Variants in MAGI2 observed in about 807,000 individuals in gnomAD.
The protein encoded by MAGI2 is membrane associated guanylate kinase, WW and PDZ domain containing 2, also known as membrane-associated guanylate kinase, WW and PDZ domain-containing protein 2.
A neutral mutation model predicts 133.3 loss-of-function variants in MAGI2; 35 were observed. The ratio of observed to expected loss-of-function variants is 0.26; its 90% CI spans 0.20 to 0.35. The LOEUF (loss-of-function observed/expected upper bound fraction) is 0.35. Among genes scored for constraint, MAGI2 ranks in the 10% least tolerant of loss-of-function variants. The pLI, the probability that MAGI2 is intolerant of heterozygous loss-of-function variation, is 1.00. For synonymous variants in MAGI2, 729 were observed against 710.6 expected, an observed-to-expected ratio of 1.03 and a Z score of -0.41; for missense variants, 1,636 against 1,863.4, an observed-to-expected ratio of 0.88 and a Z score of 2.25.
rs769657994 is a variant in MAGI2, at chr7:78,039,380, AAGAG to A, written c.3707-19408_3707-19405del. ...CTAAGAATACCAGATTCCTGCCTTCAAGAGAGAGTCTGTGACTTTGGTTTATTCA... is the reference window on the plus strand; with the variant it reads ...CTAAGAATACCAGATTCCTGCCTTCAAGAGTCTGTGACTTTGGTTTATTCA... On this transcript the variant is annotated intron_variant, in intron 21 of 21. Coordinates refer to ENST00000354212, the MANE Select transcript of MAGI2 (RefSeq NM_012301.4). Among the ~76,000 whole-genome samples, 4 of 152,246 alleles carry A rather than the reference AAGAG, an allele frequency of 2.6e-5. No homozygotes were observed. In the South Asian group the frequency reaches 8.3e-4, roughly 32 times the overall value.
At chr7:78,038,160 G>T (rs1810428616) in intron 21 of MAGI2, among the ~76,000 whole-genome samples, 1 of 152,160 alleles carries the variant, frequency 6.6e-6, no homozygotes, top group South Asian at 2.1e-4. Context: ...GAAAGGGACT[G>T]GGATCTGTCT....
chr7:78,695,042 G>A (rs570945381), intron 2 of MAGI2, among the ~76,000 whole-genome samples: 22 of 152,126 alleles, frequency 1.4e-4, no homozygotes, highest in East Asian at 7.8e-4. Flanking sequence ...TGGCTAACAC[G>A]GTGAAACCCC....
intron 2 of MAGI2, among the ~76,000 whole-genome samples, chr7:79,005,054 C>G (rs935239232): frequency 1.3e-5 from 2 of 150,718 alleles, no homozygotes; most frequent in Non-Finnish European, 2.9e-5. Context: ...TGCACTCCAG[C>G]CTGGGTAACA....
At chr7:78,957,583 A>G (rs1250294986) in intron 2 of MAGI2, among the ~76,000 whole-genome samples, 1 of 152,178 alleles carries the variant, frequency 6.6e-6, no homozygotes, top group African/African-American at 2.4e-5. Flanking sequence ...TAAAACAATA[A>G]TAGACCAAAA....
chr7:78,798,847 C>A (rs561391389), intron 2 of MAGI2, among the ~76,000 whole-genome samples: 27 of 152,270 alleles, frequency 1.8e-4, no homozygotes, highest in Admixed American at 7.8e-4. Flanking sequence ...ACAGTTTGTA[C>A]AAAATCCTCA....
chr7:79,315,124 G>A (rs1274146069), intron 1 of MAGI2, among the ~76,000 whole-genome samples: 2 of 150,468 alleles, frequency 1.3e-5, no homozygotes, highest in East Asian at 1.9e-4. Context: ...TTTTAAAAAT[G>A]CGATTTTGTT....
intron 1 of MAGI2, chr7:79,125,597 G>A (rs912407693): frequency 2.0e-5 from 10 of 506,348 alleles, no homozygotes; most frequent in Admixed American, 1.6e-4. Flanking sequence ...AGTGACTCTG[G>A]TGGTGGTAGT....
intron 10 of MAGI2, among the ~76,000 whole-genome samples, chr7:78,214,505 CTT>C (rs1788077382): frequency 6.6e-6 from 1 of 152,166 alleles, no homozygotes; most frequent in African/African-American, 2.4e-5. Flanking sequence ...CAATATGAGA[CTT>C]TGGCCTGATG....
chr7:78,507,861 G>C (rs1237049962), intron 4 of MAGI2, among the ~76,000 whole-genome samples: 2 of 152,194 alleles, frequency 1.3e-5, no homozygotes, highest in East Asian at 3.8e-4. Flanking sequence ...TGGTCCAAAT[G>C]ATATGTAATA....
chr7:78,438,273 C>A (rs375984785), intron 6 of MAGI2, among the ~76,000 whole-genome samples: 41 of 148,172 alleles, frequency 2.8e-4, no homozygotes, highest in Non-Finnish European at 2.8e-4. Flanking sequence ...GTCATAAGTA[C>A]AAAAAAAAAA....
Position 78,019,819 on chromosome 7 carries a change from G to C in MAGI2, c.3864C>G (p.Ile1288Met), listed in dbSNP as rs989092417. Residue 1288 changes from isoleucine to methionine, a missense_variant, in exon 22 of 22, where the codon ATC becomes ATG. By Grantham distance (10) the Ile-to-Met change is conservative (BLOSUM62 1). Coordinates refer to ENST00000354212, the MANE Select transcript of MAGI2 (RefSeq NM_012301.4). ...HQISPGPTWD[I>M]KREHDVRKPK... is the part of the protein sequence containing the mutation. ...GTTTCCTAACGTCGTGTTCCCGTTT[G>C]ATATCCCAAGTTGGGCCTGGGCTTA... 1 of 1,613,500 alleles carries C rather than the reference G, an allele frequency of 6.2e-7. No homozygotes were observed. Among genetic ancestry groups the C allele is most frequent in the South Asian group, 1.1e-5 (1 of 91,066 alleles).
intron 1 of MAGI2, among the ~76,000 whole-genome samples, chr7:79,170,587 C>A (rs1825435272): frequency 6.6e-6 from 1 of 152,052 alleles, no homozygotes. Context: ...CTACAACATA[C>A]TGTTTTCTAA....
intron 1 of MAGI2, among the ~76,000 whole-genome samples, chr7:79,240,933 T>C (rs184462877): frequency 5.3e-5 from 8 of 152,242 alleles, no homozygotes; most frequent in Admixed American, 5.2e-4. Context: ...CATTTGTTTA[T>C]TTTTTATGCC....
chr7:78,538,439 T>C (rs1414972242), intron 3 of MAGI2, among the ~76,000 whole-genome samples: 2 of 152,274 alleles, frequency 1.3e-5, no homozygotes, highest in Non-Finnish European at 2.9e-5. Flanking sequence ...TTCACAATAC[T>C]GATTCTACCC....
intron 1 of MAGI2, among the ~76,000 whole-genome samples, chr7:79,026,237 C>A (rs1584721187): frequency 6.6e-6 from 1 of 152,234 alleles, no homozygotes; most frequent in Middle Eastern, 3.4e-3. Context: ...TGCCCCCATT[C>A]CCTGATTACA....
chr7:78,447,349 G>T (rs1442061843), intron 6 of MAGI2, among the ~76,000 whole-genome samples: 2 of 151,470 alleles, frequency 1.3e-5, no homozygotes, highest in Non-Finnish European at 2.9e-5. Context: ...CATGTTAAAG[G>T]GATTACATTT....
At chr7:78,848,810 G>A (rs1265769757) in intron 2 of MAGI2, among the ~76,000 whole-genome samples, 1 of 151,900 alleles carries the variant, frequency 6.6e-6, no homozygotes, top group East Asian at 1.9e-4. Context: ...CACCACCTAT[G>A]TAATGTCATC....
intron 2 of MAGI2, among the ~76,000 whole-genome samples, chr7:78,764,551 C>T (rs190618817): frequency 2.2e-4 from 34 of 152,148 alleles, no homozygotes; most frequent in Admixed American, 3.9e-4. Flanking sequence ...TGATTTTTTC[C>T]CCCCATCCCA....
chr7:79,303,139 C>T (rs559827624), intron 1 of MAGI2, among the ~76,000 whole-genome samples: 1 of 152,198 alleles, frequency 6.6e-6, no homozygotes, highest in Admixed American at 6.5e-5. Context: ...AAATACCTTT[C>T]CTGCTTTGGA....
Sources: gnomAD v4.1 joint callset for allele counts (sites outside exome capture counted in the v4.1 genomes callset) on GRCh38, gnomAD v4.1.1 for gene constraint, MANE v1.5 for transcripts, NCBI Gene and HGNC (gene_info 2026-07-23, HGNC 2026-07-21) for gene names.